Variants in ASTN2 observed in about 807,000 individuals in gnomAD.
The protein encoded by ASTN2 is astrotactin-2.
A neutral mutation model predicts 139.8 loss-of-function variants in ASTN2; 54 were observed. That is an observed-to-expected ratio of 0.39 (90% CI 0.31 to 0.48). The LOEUF is 0.48. Among genes scored for constraint, ASTN2 ranks in the 20% least tolerant of loss-of-function variants. ASTN2 has a pLI of 0.95. For missense variants in ASTN2, 1,565 were observed against 1,725.1 expected, an observed-to-expected ratio of 0.91 and a Z score of 1.64; for synonymous variants, 756 against 719.5, an observed-to-expected ratio of 1.05 and a Z score of -0.81.
At chr9:117,033,704 A>G (rs938995394) in intron 6 of ASTN2, among the ~76,000 whole-genome samples, 9 of 152,118 alleles carry the variant, frequency 5.9e-5, no homozygotes, top group Admixed American at 5.9e-4. Flanking sequence ...AGCTTAGAGC[A>G]TAGAAGAACC....
intron 10 of ASTN2, among the ~76,000 whole-genome samples, chr9:116,905,689 C>G (rs1002808238): frequency 2.0e-5 from 3 of 152,138 alleles, no homozygotes; most frequent in Non-Finnish European, 4.4e-5. Flanking sequence ...GTTTTATGCT[C>G]TTACAATGAC....
chr9:116,503,210 G>C (rs1489684640), intron 19 of ASTN2, among the ~76,000 whole-genome samples: 2 of 151,950 alleles, frequency 1.3e-5, no homozygotes, highest in Admixed American at 1.3e-4. Context: ...GGAAGGGCAC[G>C]GCAGGACCAG....
chr9:117,312,522 T>A (rs575127826), intron 1 of ASTN2, among the ~76,000 whole-genome samples: 1 of 152,334 alleles, frequency 6.6e-6, no homozygotes, highest in South Asian at 2.1e-4. Flanking sequence ...TTTCCAATCA[T>A]CATTATGCTA....
intron 10 of ASTN2, among the ~76,000 whole-genome samples, chr9:116,909,960 G>A (rs1045546306): frequency 2.0e-4 from 30 of 152,152 alleles, no homozygotes; most frequent in Non-Finnish European, 5.9e-5. Flanking sequence ...CTGGTGGAAG[G>A]GGAATCAAGG....
At chr9:116,522,680 T>A (rs894559589) in intron 19 of ASTN2, among the ~76,000 whole-genome samples, 19 of 152,098 alleles carry the variant, frequency 1.2e-4, no homozygotes, top group Non-Finnish European at 2.6e-4. Context: ...ACATAAACAA[T>A]TTTTTTAAAA....
intron 20 of ASTN2, among the ~76,000 whole-genome samples, chr9:116,448,417 T>A (rs893193962): frequency 6.6e-6 from 1 of 152,230 alleles, no homozygotes; most frequent in East Asian, 1.9e-4. Context: ...CCCATCTCTA[T>A]GCTTCAGCCT....
At chr9:117,076,408 G>C (rs990166071) in intron 5 of ASTN2, among the ~76,000 whole-genome samples, 1 of 152,064 alleles carries the variant, frequency 6.6e-6, no homozygotes, top group Non-Finnish European at 1.5e-5. Flanking sequence ...AGGAGAAAAA[G>C]AGGGGGGGAT....
At chr9:117,399,700 C>T (rs1161514761) in intron 1 of ASTN2, among the ~76,000 whole-genome samples, 1 of 152,176 alleles carries the variant, frequency 6.6e-6, no homozygotes, top group Non-Finnish European at 1.5e-5. Flanking sequence ...ACTAGAGATC[C>T]AGCACAGGGT....
chr9:117,360,773 A>G (rs1404801202), intron 1 of ASTN2, among the ~76,000 whole-genome samples: 3 of 132,310 alleles, frequency 2.3e-5, no homozygotes. Flanking sequence ...TCCCCTCTCT[A>G]CCCCCAGTCT....
chr9:116,498,980 A>G (rs575161707), intron 19 of ASTN2, among the ~76,000 whole-genome samples: 5 of 152,164 alleles, frequency 3.3e-5, no homozygotes, highest in Admixed American at 1.3e-4. Flanking sequence ...TAGAGCTTCC[A>G]TAACTCTTCC....
chr9:117,133,249 C>G (rs1336525168), intron 4 of ASTN2, among the ~76,000 whole-genome samples: 1 of 152,230 alleles, frequency 6.6e-6, no homozygotes, highest in Non-Finnish European at 1.5e-5. Context: ...ATGCTTAGTA[C>G]AGCCTGCGGA....
At chr9:117,295,433 C>T (rs1834705509) in intron 1 of ASTN2, among the ~76,000 whole-genome samples, 1 of 152,104 alleles carries the variant, frequency 6.6e-6, no homozygotes, top group African/African-American at 2.4e-5. Context: ...AGAGCAGAGA[C>T]CTTGTGTGTC....
intron 5 of ASTN2, among the ~76,000 whole-genome samples, chr9:117,041,234 T>C (rs1838559092): frequency 6.6e-6 from 1 of 152,178 alleles, no homozygotes; most frequent in African/African-American, 2.4e-5. Flanking sequence ...TTACCAGTTT[T>C]AGAGCAATGC....
intron 16 of ASTN2, among the ~76,000 whole-genome samples, chr9:116,720,461 C>T (rs1828440288): frequency 6.6e-6 from 1 of 152,126 alleles, no homozygotes; most frequent in Non-Finnish European, 1.5e-5. Flanking sequence ...CATTCTTTCA[C>T]TTCTAGCCTC....
At chr9:116,516,058 A>G (rs1850635500) in intron 19 of ASTN2, among the ~76,000 whole-genome samples, 1 of 152,208 alleles carries the variant, frequency 6.6e-6, no homozygotes, top group Non-Finnish European at 1.5e-5. Flanking sequence ...AGACAACTGT[A>G]TAATAATTTC....
intron 2 of ASTN2, among the ~76,000 whole-genome samples, chr9:117,245,782 A>G (rs978680677): frequency 3.9e-5 from 6 of 151,946 alleles, no homozygotes; most frequent in Non-Finnish European, 5.9e-5. Flanking sequence ...ATTCTTTCCC[A>G]CTACTCTTTG....
At chr9:117,262,415 TTA>T (rs1833846149) in intron 2 of ASTN2, among the ~76,000 whole-genome samples, 3 of 116,774 alleles carry the variant, frequency 2.6e-5, no homozygotes, top group South Asian at 2.6e-4. Context: ...ATTTATTTAT[TTA>T]TTTTTTATCT....
chr9:116,710,357 G>A (rs916995149), intron 16 of ASTN2, among the ~76,000 whole-genome samples: 2 of 152,138 alleles, frequency 1.3e-5, no homozygotes, highest in Admixed American at 6.5e-5. Context: ...CAAATGTTGG[G>A]TGGGGGTACA....
At chr9:117,008,047 C>A in intron 7 of ASTN2, 45 bp downstream of exon 7, 1 of 1,496,462 alleles carries the variant, frequency 6.7e-7, no homozygotes, top group South Asian at 1.4e-5. Flanking sequence ...TCTTTCAACC[C>A]AGCCTCTCCC....
Sources: gnomAD v4.1 joint callset for allele counts (sites outside exome capture counted in the v4.1 genomes callset) on GRCh38, gnomAD v4.1.1 for gene constraint, MANE v1.5 for transcripts, NCBI Gene and HGNC (gene_info 2026-07-23, HGNC 2026-07-21) for gene names.